The following AGBL4 variants were observed in gnomAD, a reference collection of about 807,000 sequenced individuals.
AGBL4 encodes cytosolic carboxypeptidase 6.
Under a neutral mutation model 66.4 loss-of-function variants are expected in AGBL4, and 58 were observed. That is an observed-to-expected ratio of 0.87 (90% confidence interval 0.71 to 1.09). AGBL4 has a LOEUF of 1.09. Ranked by LOEUF, AGBL4 falls within the 50% of genes least tolerant of loss-of-function variation. The pLI is 0.00. For synonymous variants in AGBL4, 234 were observed against 222.9 expected, an observed-to-expected ratio of 1.05 and a Z score of -0.44; for missense variants, 579 against 631.0, an observed-to-expected ratio of 0.92 and a Z score of 0.88.
At chr1:49,584,996 C>T (rs1484276113) in intron 3 of AGBL4, among the ~76,000 whole-genome samples, 2 of 152,176 alleles carry the variant, frequency 1.3e-5, no homozygotes, top group African/African-American at 4.8e-5. Flanking sequence ...ATCCTACAGC[C>T]AATCTCTGGT....
At position 49,401,136 on chromosome 1, in the gene AGBL4, C is replaced by T. The variant is rs141920469; in HGVS notation, c.283-155272G>A. Among the ~76,000 whole-genome samples the T allele has an allele frequency of 2.3e-3, 353 of 152,280 alleles. 2 individuals carry two copies. The highest frequency in any genetic ancestry group is 3.2e-3 in the Non-Finnish European group (216 of 68,024). ...AAAGAAAAGAGGTTTAATTCACTCA[C>T]GTTCCACATGGCTGGGGAGGTCTGA... On this transcript the variant is annotated intron_variant, in intron 3 of 13. Transcript: ENST00000371839.
rs1659527433 is a variant in AGBL4 at position 48,978,691 on chromosome 1, C to T, written c.594+66893G>A. Among the ~76,000 whole-genome samples the T allele has an allele frequency of 1.3e-5, 2 of 152,088 alleles. 1 individual carries two copies. The highest frequency in any genetic ancestry group is 4.2e-4 in the South Asian group (2 of 4,818). Reference sequence around the variant, plus strand: ...CTCCTTTAGTCCTCCATCCTAGTAACATTTTCCATATACTAAGCCCTTTTG... The same window carrying T: ...CTCCTTTAGTCCTCCATCCTAGTAATATTTTCCATATACTAAGCCCTTTTG... On this transcript the variant is annotated intron_variant, in intron 5 of 13. Coordinates refer to ENST00000371839, the MANE Select transcript of AGBL4 (RefSeq NM_032785.4).
chr1:49,739,730 A>G (rs1650258578), intron 2 of AGBL4, among the ~76,000 whole-genome samples: 1 of 152,250 alleles, frequency 6.6e-6, no homozygotes, highest in Non-Finnish European at 1.5e-5. Context: ...AAGCCAGAAG[A>G]GAGTGGGGGC....
intron 3 of AGBL4, among the ~76,000 whole-genome samples, chr1:49,451,199 A>G (rs976284585): frequency 6.6e-6 from 1 of 152,018 alleles, no homozygotes; most frequent in African/African-American, 2.4e-5. Flanking sequence ...CTTCAAGCCA[A>G]TAACAGCATG....
At chr1:48,784,550 C>A (rs1470367290) in intron 6 of AGBL4, among the ~76,000 whole-genome samples, 2 of 152,120 alleles carry the variant, frequency 1.3e-5, no homozygotes, top group African/African-American at 2.4e-5. Flanking sequence ...TGTTTGGGGC[C>A]ATTCATTCTT....
chr1:49,149,736 T>C (rs187834247), intron 4 of AGBL4, among the ~76,000 whole-genome samples: 2 of 152,170 alleles, frequency 1.3e-5, no homozygotes, highest in African/African-American at 4.8e-5. Context: ...TAACCAGTGT[T>C]AAGTAAATAG....
chr1:49,770,438 T>G (rs1055691807), intron 2 of AGBL4, among the ~76,000 whole-genome samples: 6 of 152,202 alleles, frequency 3.9e-5, no homozygotes, highest in Non-Finnish European at 7.3e-5. Flanking sequence ...GTCTTTTTGA[T>G]AATTTTTGCA....
chr1:49,796,201 G>A (rs892630104), intron 2 of AGBL4, among the ~76,000 whole-genome samples: 1 of 151,846 alleles, frequency 6.6e-6, no homozygotes, highest in African/African-American at 2.4e-5. Context: ...GTATATAGAT[G>A]AGTAAGTAAT....
chr1:48,626,603 C>A (rs569144519), intron 9 of AGBL4, among the ~76,000 whole-genome samples: 1 of 152,216 alleles, frequency 6.6e-6, no homozygotes, highest in African/African-American at 2.4e-5. Flanking sequence ...CAATCTTCAA[C>A]CTCTACTATG....
intron 3 of AGBL4, among the ~76,000 whole-genome samples, chr1:49,375,054 T>G (rs1423750299): frequency 6.6e-6 from 1 of 152,218 alleles, no homozygotes; most frequent in African/African-American, 2.4e-5. Context: ...TTGCATTTTC[T>G]TACATGAACT....
At chr1:50,014,352 G>A (rs1324225166) in intron 1 of AGBL4, among the ~76,000 whole-genome samples, 1 of 151,098 alleles carries the variant, frequency 6.6e-6, no homozygotes, top group African/African-American at 2.4e-5. Flanking sequence ...GCCTGGCCAA[G>A]TGGGACTTTG....
chr1:49,496,743 T>C (rs1647618631), intron 3 of AGBL4, among the ~76,000 whole-genome samples: 3 of 152,214 alleles, frequency 2.0e-5, no homozygotes, highest in East Asian at 1.9e-4. Context: ...TGTGTATGTA[T>C]ACCACATTTT....
intron 4 of AGBL4, among the ~76,000 whole-genome samples, chr1:49,109,492 T>A (rs1645363715): frequency 6.6e-6 from 1 of 152,194 alleles, no homozygotes; most frequent in African/African-American, 2.4e-5. Context: ...TCTCCGTCCT[T>A]CCTTCCTCCC....
At chr1:48,846,057 A>C (rs938507290) in intron 6 of AGBL4, among the ~76,000 whole-genome samples, 1 of 152,032 alleles carries the variant, frequency 6.6e-6, no homozygotes, top group Non-Finnish European at 1.5e-5. Context: ...CTTCCTTGAG[A>C]GTATTGGCTT....
At position 49,594,822 on chromosome 1, in the gene AGBL4, A is replaced by T. The variant is rs952529878; in HGVS notation, c.282+102491T>A. On this transcript the variant is annotated intron_variant, in intron 3 of 13. Coordinates refer to ENST00000371839, the MANE Select transcript of AGBL4 (RefSeq NM_032785.4). ...TGCTATTGTGAATAGTGCTGCAATA[A>T]ACATATGTGTGCATGTGTCTTTATA... Among the ~76,000 whole-genome samples, 6 of 152,286 alleles carry T rather than the reference A, an allele frequency of 3.9e-5. No homozygotes were observed. The South Asian group carries it at 1.2e-3, about 32-fold the overall frequency.
intron 6 of AGBL4, among the ~76,000 whole-genome samples, chr1:48,826,000 T>G (rs1446085863): frequency 6.6e-6 from 1 of 152,164 alleles, no homozygotes; most frequent in Non-Finnish European, 1.5e-5. Context: ...ATTTTGGATC[T>G]CAGAGCCCTT....
At chr1:48,794,339 C>A (rs1337608928) in intron 6 of AGBL4, among the ~76,000 whole-genome samples, 2 of 152,184 alleles carry the variant, frequency 1.3e-5, no homozygotes, top group South Asian at 4.1e-4. Context: ...CATGCCCAAG[C>A]CTTTCCCAGC....
intron 1 of AGBL4, among the ~76,000 whole-genome samples, chr1:49,906,180 T>C (rs1027945943): frequency 2.6e-5 from 4 of 151,398 alleles, no homozygotes; most frequent in Non-Finnish European, 5.9e-5. Context: ...TTAAGTAGCA[T>C]TGTTATGTGG....
chr1:49,635,486 C>T (rs887613626), intron 3 of AGBL4, among the ~76,000 whole-genome samples: 15 of 152,002 alleles, frequency 9.9e-5, no homozygotes, highest in Non-Finnish European at 2.1e-4. Context: ...AAAATATTTC[C>T]AATTCATGCA....
Sources: allele counts gnomAD v4.1 joint callset (sites outside exome capture counted in the v4.1 genomes callset), GRCh38; gene constraint gnomAD v4.1.1; transcripts MANE v1.5; gene names NCBI Gene and HGNC (gene_info 2026-07-23, HGNC 2026-07-21).